PLEKHA5: variants seen among roughly 807,000 people sequenced by gnomAD.
The protein encoded by PLEKHA5 is pleckstrin homology domain-containing family A member 5.
In PLEKHA5, 55 loss-of-function variants were observed where a neutral mutation model predicts 181.9. The ratio of observed to expected loss-of-function variants is 0.30; its 90% confidence interval spans 0.24 to 0.38. The LOEUF (loss-of-function observed/expected upper bound fraction) is 0.38. PLEKHA5 is among the 10% of genes least tolerant of loss of function. The pLI, the probability that PLEKHA5 is intolerant of heterozygous loss-of-function variation, is 1.00. For synonymous variants in PLEKHA5, 535 were observed against 529.4 expected (o/e 1.01, Z -0.15); for missense variants, 1,432 against 1,549.5 (o/e 0.92, Z 1.27).
intron 27 of PLEKHA5, 80 bp from the exon 28 acceptor site, chr12:19,359,332 T>G: frequency 3.9e-6 from 5 of 1,268,978 alleles, no homozygotes; most frequent in Non-Finnish European, 4.4e-6. Context: ...TGTTCTATTT[T>G]GAGAATTAAC....
At chr12:19,142,881 A>G (rs1180116346) in intron 3 of PLEKHA5, among the ~76,000 whole-genome samples, 4 of 152,164 alleles carry the variant, frequency 2.6e-5, no homozygotes, top group South Asian at 2.1e-4. Flanking sequence ...ATTTAAGATC[A>G]TGCAGTATTT....
At chr12:19,341,603 T>C (rs1427342239) in intron 21 of PLEKHA5, among the ~76,000 whole-genome samples, 1 of 152,120 alleles carries the variant, frequency 6.6e-6, no homozygotes, top group Non-Finnish European at 1.5e-5. Flanking sequence ...TAACTTAGGT[T>C]ATGTAGTGCC....
At chr12:19,175,665 A>G (rs1210050147) in intron 3 of PLEKHA5, among the ~76,000 whole-genome samples, 6 of 152,182 alleles carry the variant, frequency 3.9e-5, no homozygotes, top group Non-Finnish European at 5.9e-5. Context: ...AAAAAAATTT[A>G]TATGTGCACT....
chr12:19,200,846 A>G (rs2054023670), intron 3 of PLEKHA5: 3 of 176,374 alleles, frequency 1.7e-5, no homozygotes, highest in Non-Finnish European at 3.3e-5. Flanking sequence ...CCTTATTATC[A>G]TATCATGCAC....
chr12:19,341,635 A>T (rs2093936536), intron 21 of PLEKHA5, among the ~76,000 whole-genome samples: 1 of 151,978 alleles, frequency 6.6e-6, no homozygotes, highest in Non-Finnish European at 1.5e-5. Context: ...GCATTAATTC[A>T]TAGTCTTTAG....
At chr12:19,320,273 A>C (rs1379073297) in intron 17 of PLEKHA5, among the ~76,000 whole-genome samples, 1 of 152,104 alleles carries the variant, frequency 6.6e-6, no homozygotes, top group Non-Finnish European at 1.5e-5. Flanking sequence ...GTGTGTCTTT[A>C]AAAGAAATGA....
chr12:19,263,010 C>T (rs2068994457), intron 7 of PLEKHA5, among the ~76,000 whole-genome samples: 1 of 152,132 alleles, frequency 6.6e-6, no homozygotes, highest in African/African-American at 2.4e-5. Context: ...AAAGAAGAAA[C>T]TGTAGAAACA....
At chr12:19,181,738 T>C (rs966218132) in intron 3 of PLEKHA5, among the ~76,000 whole-genome samples, 1 of 152,186 alleles carries the variant, frequency 6.6e-6, no homozygotes, top group African/African-American at 2.4e-5. Context: ...ATCGCGCCAC[T>C]GCACTTCAGC....
rs1311278210 is a variant in PLEKHA5, at chr12:19,134,482, T to TA, written c.227+2039dup. ...TGTTGCATATCACTCATTAAACTTT[T>TA]AAAAAAACTAACCATTGATAAATAT... On this transcript the variant is annotated intron_variant, in intron 3 of 31. Transcript: ENST00000429027. Among the ~76,000 whole-genome samples, 3 of 151,650 alleles carry TA rather than the reference T, an allele frequency of 2.0e-5. No homozygotes were observed. The East Asian group carries it at 5.8e-4, about 29-fold the overall frequency.
intron 15 of PLEKHA5, among the ~76,000 whole-genome samples, chr12:19,302,531 G>C (rs1409313910): frequency 6.6e-6 from 1 of 152,056 alleles, no homozygotes; most frequent in Non-Finnish European, 1.5e-5. Context: ...GAGTAGCTAG[G>C]ATTACAGGCG....
chr12:19,325,187 T>G (rs1322185650), intron 20 of PLEKHA5, among the ~76,000 whole-genome samples: 1 of 147,316 alleles, frequency 6.8e-6, no homozygotes, highest in Non-Finnish European at 1.5e-5. Flanking sequence ...GGCCCAGGAG[T>G]TTGAGACCAA....
intron 3 of PLEKHA5, among the ~76,000 whole-genome samples, chr12:19,206,814 C>T (rs1337742517): frequency 6.6e-6 from 1 of 152,134 alleles, no homozygotes; most frequent in Non-Finnish European, 1.5e-5. Flanking sequence ...TCTATTCCCA[C>T]TTCTTTATAC....
intron 29 of PLEKHA5, among the ~76,000 whole-genome samples, chr12:19,363,069 G>A (rs889288768): frequency 1.3e-5 from 2 of 151,686 alleles, no homozygotes; most frequent in African/African-American, 4.8e-5. Context: ...TCTCATAAGA[G>A]TTCCAGAAAT....
At chr12:19,131,914 CATTA>C (rs768837786) in intron 2 of PLEKHA5, among the ~76,000 whole-genome samples, 3 of 152,270 alleles carry the variant, frequency 2.0e-5, no homozygotes, top group Non-Finnish European at 4.4e-5. Flanking sequence ...ATTTCTTTTC[CATTA>C]ATTAAGTAGT....
intron 17 of PLEKHA5, 103 bp downstream of exon 17, chr12:19,320,159 T>C: frequency 2.2e-6 from 1 of 454,924 alleles, no homozygotes; most frequent in Non-Finnish European, 3.8e-6. Context: ...TGTTTATGTA[T>C]ATACCGTGAA....
At chr12:19,280,051 T>G (rs1375144992) in intron 11 of PLEKHA5, among the ~76,000 whole-genome samples, 4 of 136,354 alleles carry the variant, frequency 2.9e-5, no homozygotes, top group Admixed American at 7.6e-5. Context: ...TTTTTTTTTT[T>G]TTTTTTTTTT....
chr12:19,354,378 C>T (rs2094800867), intron 26 of PLEKHA5, among the ~76,000 whole-genome samples: 1 of 147,296 alleles, frequency 6.8e-6, no homozygotes, highest in Admixed American at 6.8e-5. Flanking sequence ...TGGTCTCGAT[C>T]TCCTGACCTC....
At chr12:19,317,921 C>CTTTT (rs71064082) in intron 16 of PLEKHA5, among the ~76,000 whole-genome samples, 3,402 of 67,346 alleles carry the variant, frequency 0.051, 67 homozygotes, top group African/African-American at 0.061. Flanking sequence ...CAAACCAAAC[C>CTTTT]TTTTTTTTTT....
intron 26 of PLEKHA5, among the ~76,000 whole-genome samples, chr12:19,356,662 CTT>C (rs57809332): frequency 5.2e-4 from 52 of 99,836 alleles, no homozygotes; most frequent in African/African-American, 1.6e-3. Flanking sequence ...AGTTGTTTTT[CTT>C]TTTTTTTTTT....
Sources: gnomAD v4.1 joint callset for allele counts (sites outside exome capture counted in the v4.1 genomes callset) on GRCh38, gnomAD v4.1.1 for gene constraint, MANE v1.5 for transcripts, NCBI Gene and HGNC (gene_info 2026-07-23, HGNC 2026-07-21) for gene names.